MECOM: variants seen among roughly 807,000 people sequenced by gnomAD.
MECOM encodes histone-lysine N-methyltransferase MECOM.
A neutral mutation model predicts 116.3 loss-of-function variants in MECOM; 13 were observed. That is an observed-to-expected ratio of 0.11 (90% CI 0.07 to 0.18). MECOM has a LOEUF of 0.18. Ranked by LOEUF, MECOM falls within the 10% of genes least tolerant of loss-of-function variation. The pLI is 1.00. For synonymous variants in MECOM, 528 were observed against 535.2 expected (o/e 0.99, Z 0.19); for missense variants, 1,299 against 1,509.0 (o/e 0.86, Z 2.31).
chr3:169,206,629 T>C (rs1169628851), intron 2 of MECOM, among the ~76,000 whole-genome samples: 2 of 151,864 alleles, frequency 1.3e-5, no homozygotes, highest in Non-Finnish European at 2.9e-5. Context: ...GGCGGGTGCC[T>C]ATAATCCCAG....
chr3:169,245,941 G>T (rs1273170702), intron 2 of MECOM, among the ~76,000 whole-genome samples: 1 of 152,182 alleles, frequency 6.6e-6, no homozygotes, highest in Non-Finnish European at 1.5e-5. Flanking sequence ...CCATCTGGTA[G>T]TTCCCAGCTT....
chr3:169,538,839 C>A (rs1202611431), intron 1 of MECOM, among the ~76,000 whole-genome samples: 7 of 152,050 alleles, frequency 4.6e-5, no homozygotes, highest in Non-Finnish European at 1.0e-4. Flanking sequence ...ACCAAAAGAG[C>A]CCTATTCAAA....
intron 1 of MECOM, among the ~76,000 whole-genome samples, chr3:169,617,051 T>C (rs888448769): frequency 1.9e-4 from 29 of 152,222 alleles, no homozygotes; most frequent in African/African-American, 6.3e-4. Flanking sequence ...TCTATTTTCA[T>C]TGTATTTTCT....
At chr3:169,542,091 A>G (rs1446568625) in intron 1 of MECOM, among the ~76,000 whole-genome samples, 1 of 152,214 alleles carries the variant, frequency 6.6e-6, no homozygotes, top group African/African-American at 2.4e-5. Context: ...TCCATTGTAA[A>G]GAAATCCCCA....
chr3:169,152,686 C>A (rs1024562019), intron 2 of MECOM, among the ~76,000 whole-genome samples: 1 of 152,110 alleles, frequency 6.6e-6, no homozygotes, highest in Admixed American at 6.5e-5. Context: ...ATTAGCACCC[C>A]GTTATTGTCC....
At chr3:169,232,201 T>C (rs1249001892) in intron 2 of MECOM, among the ~76,000 whole-genome samples, 1 of 152,162 alleles carries the variant, frequency 6.6e-6, no homozygotes, top group Non-Finnish European at 1.5e-5. Context: ...TTCACCTTTT[T>C]GAGATATTCT....
intron 2 of MECOM, among the ~76,000 whole-genome samples, chr3:169,191,738 A>G (rs201714993): frequency 0.02 from 861 of 43,430 alleles, 12 homozygotes; most frequent in Non-Finnish European, 0.041. Context: ...GAAAGAAAGA[A>G]AGAGAAAGAA....
At chr3:169,190,362 C>T (rs1015447491) in intron 2 of MECOM, among the ~76,000 whole-genome samples, 1 of 151,898 alleles carries the variant, frequency 6.6e-6, no homozygotes, top group Non-Finnish European at 1.5e-5. Context: ...CCCCTCATTC[C>T]AAATCCCATT....
At chr3:169,442,514 T>A (rs16853750) in intron 1 of MECOM, among the ~76,000 whole-genome samples, 5,012 of 152,232 alleles carry the variant, frequency 0.033, 99 homozygotes, top group East Asian at 0.069. Context: ...CAGGTAAGTA[T>A]CCCAATTAGG....
chr3:169,621,223 CTTAA>C (rs761671372), intron 1 of MECOM, among the ~76,000 whole-genome samples: 22 of 152,184 alleles, frequency 1.4e-4, no homozygotes, highest in South Asian at 4.1e-4. Flanking sequence ...TTCTTAACCT[CTTAA>C]TTGAGAATTT....
In MECOM at chr3:169,116,696, G is replaced by A. The variant is rs1382595144; in HGVS notation, c.1176C>T (p.Cys392=). The A allele has an allele frequency of 2.5e-6, 4 of 1,613,510 alleles. No homozygotes were observed. In the South Asian group the frequency reaches 4.4e-5, roughly 18 times the overall value. Reference sequence around the variant, plus strand: ...AATCAGCATGCATGCGCTTATGACGGCAAAGGTTTGAAAACTGAGTATAGG... The same window carrying A: ...AATCAGCATGCATGCGCTTATGACGACAAAGGTTTGAAAACTGAGTATAGG... ...HKSYTQFSNL[C]RHKRMHADCR... is the part of the protein sequence containing the mutation. The change falls in exon 8 of 17, where the codon TGC becomes TGT. Residue 392 remains cysteine (C), a synonymous_variant. Coordinates refer to ENST00000651503, the MANE Select transcript of MECOM (RefSeq NM_004991.4).
intron 1 of MECOM, among the ~76,000 whole-genome samples, chr3:169,441,809 C>A (rs1743765054): frequency 6.7e-6 from 1 of 149,976 alleles, no homozygotes; most frequent in South Asian, 2.1e-4. Context: ...CAGTGCACTG[C>A]AACCTCCACC....
chr3:169,249,166 C>T (rs948052309), intron 2 of MECOM, among the ~76,000 whole-genome samples: 4 of 152,116 alleles, frequency 2.6e-5, no homozygotes, highest in South Asian at 2.1e-4. Flanking sequence ...ATGTGCTTTG[C>T]GTGATTGTTG....
chr3:169,385,326 A>T (rs1430279885), intron 1 of MECOM, among the ~76,000 whole-genome samples: 1 of 152,178 alleles, frequency 6.6e-6, no homozygotes, highest in Non-Finnish European at 1.5e-5. Context: ...GCTTACAATG[A>T]CAAAAATGTA....
At chr3:169,526,334 A>G (rs1295807815) in intron 1 of MECOM, among the ~76,000 whole-genome samples, 1 of 152,212 alleles carries the variant, frequency 6.6e-6, no homozygotes, top group Admixed American at 6.5e-5. Flanking sequence ...TATATAATAT[A>G]CAAAATGACA....
chr3:169,634,569 C>A (rs752753673), intron 1 of MECOM, among the ~76,000 whole-genome samples: 1 of 152,148 alleles, frequency 6.6e-6, no homozygotes, highest in Non-Finnish European at 1.5e-5. Flanking sequence ...TCCAGTCAAC[C>A]TTTTTCTCTC....
chr3:169,420,087 A>G (rs1739445804), intron 1 of MECOM, among the ~76,000 whole-genome samples: 1 of 152,212 alleles, frequency 6.6e-6, no homozygotes, highest in Non-Finnish European at 1.5e-5. Flanking sequence ...TAGAATGGCG[A>G]TCATTAAAAA....
chr3:169,538,411 T>C (rs1402914901), intron 1 of MECOM, among the ~76,000 whole-genome samples: 1 of 152,214 alleles, frequency 6.6e-6, no homozygotes, highest in East Asian at 1.9e-4. Flanking sequence ...ACTTTTATTG[T>C]TCATAAATGG....
At position 169,594,174 on chromosome 3, in the gene MECOM, A is replaced by AAAAAAAAAAAAAAAAAAAAACC. The variant is rs1255613781; in HGVS notation, c.37+69161_37+69162insGGTTTTTTTTTTTTTTTTTTTT. On this transcript the variant is annotated intron_variant, in intron 1 of 16. Coordinates refer to ENST00000651503, the MANE Select transcript of MECOM (RefSeq NM_004991.4). The stretch of plus-strand genomic sequence containing the variant: ...CACCACAAAAAAAAAAAAAAAAAAA[A>AAAAAAAAAAAAAAAAAAAAACC]AACACCTTTTCACCTAAGTACCTCA... Among the ~76,000 whole-genome samples, 11 of 125,962 alleles carry AAAAAAAAAAAAAAAAAAAAACC rather than the reference A, an allele frequency of 8.7e-5. 1 individual carries two copies. The highest frequency in any genetic ancestry group is 3.5e-4 in the African/African-American group (11 of 31,104). The allele number at this position is 125,962 out of a possible 152,430, so 82.6% of individuals were successfully genotyped here.
Sources: gnomAD v4.1 joint callset for allele counts (sites outside exome capture counted in the v4.1 genomes callset) on GRCh38, gnomAD v4.1.1 for gene constraint, MANE v1.5 for transcripts, NCBI Gene and HGNC (gene_info 2026-07-23, HGNC 2026-07-21) for gene names.